Variants in RASL12 observed in about 807,000 individuals in gnomAD.
RASL12 encodes ras-like protein family member 12.
RASL12 carries 16 observed loss-of-function variants against 22.9 expected under a neutral mutation model. The ratio of observed to expected loss-of-function variants is 0.70; its 90% CI spans 0.47 to 1.06. RASL12 has a LOEUF of 1.06. Among genes scored for constraint, RASL12 ranks in the 50% least tolerant of loss-of-function variants. The pLI is 0.00. For synonymous variants in RASL12, 159 were observed against 152.2 expected, an observed-to-expected ratio of 1.04 and a Z score of -0.33; for missense variants, 306 against 353.1, an observed-to-expected ratio of 0.87 and a Z score of 1.07.
At position 65,073,237 on chromosome 15, in the gene RASL12, C is replaced by T. The variant is rs967628772; in HGVS notation, c.70+3292G>A. On this transcript the variant is annotated intron_variant, in intron 1 of 4. Transcript: ENST00000434605. ...GGAGATGGTTTCGGAATTATTCAAG[C>T]GTATTACATTTATTGTGCATTTTAT... 7.2e-5 allele frequency among the ~76,000 whole-genome samples: 11 copies of T among 152,226 alleles called. 1 individual carries two copies. The highest frequency in any genetic ancestry group is 3.9e-4 in the East Asian group (2 of 5,186).
intron 2 of RASL12, among the ~76,000 whole-genome samples, chr15:65,060,563 G>C (rs548025925): frequency 6.6e-6 from 1 of 152,342 alleles, no homozygotes; most frequent in African/African-American, 2.4e-5. Context: ...CAGGCATGCA[G>C]AGGACCTTGC....
upstream of RASL12, chr15:65,068,429 A>C: frequency 1.1e-5 from 4 of 360,032 alleles, no homozygotes; most frequent in Non-Finnish European, 1.5e-5. This position sits in a 1 kb window ranked among gnomAD's most constrained non-coding sequence, Gnocchi z 4.2. Context: ...CCCCAATCAC[A>C]TTATTCTGCC....
rs537590104 is a variant in RASL12 at position 65,075,221 on chromosome 15, G to C, written c.70+1308C>G. Among the ~76,000 whole-genome samples, 843 of 152,332 alleles carry C rather than the reference G, an allele frequency of 5.5e-3. 9 individuals carry two copies. Among genetic ancestry groups the C allele is most frequent in the African/African-American group, 0.019 (798 of 41,574 alleles). On this transcript the variant is annotated intron_variant, in intron 1 of 4. Coordinates refer to the RASL12 transcript ENST00000434605. ...CCCCCAGCAATGCCAGCCCACCGGCGCTGTGCTTGATTTCTCACCGGGCCT... is the reference window on the plus strand; with the variant it reads ...CCCCCAGCAATGCCAGCCCACCGGCCCTGTGCTTGATTTCTCACCGGGCCT...
At chr15:65,070,427 C>G (rs12592433), upstream of RASL12, among the ~76,000 whole-genome samples, 1 of 152,190 alleles carries the variant, frequency 6.6e-6, no homozygotes, top group African/African-American at 2.4e-5. Context: ...AAGTCATAAC[C>G]GTTTAGTGAC....
the RASL12 span, among the ~76,000 whole-genome samples, chr15:65,047,789 G>A: frequency 9.1e-6 from 1 of 109,908 alleles, no homozygotes; most frequent in African/African-American, 3.6e-5. Flanking sequence ...CAGATAGATC[G>A]ATAGATGATA....
chr15:65,054,196 C>T lies in RASL12; in HGVS notation c.*703G>A, dbSNP rs749074205. The T allele has an allele frequency of 1.0e-5, 10 of 985,950 alleles. No individual in the cohort carries two copies. The highest frequency in any genetic ancestry group is 9.6e-6 in the Non-Finnish European group (8 of 829,998). The allele number at this position is 985,950 out of a possible 1,614,324, so 61.1% of individuals were successfully genotyped here. On this transcript the variant is annotated 3_prime_UTR_variant, in exon 5 of 5. Transcript: ENST00000220062. ...CAGAGTCCTTAACAGTGGGAAAACA[C>T]ATGGAGAATCTGTCTGCTGGTGAAA...
intron 1 of RASL12, among the ~76,000 whole-genome samples, chr15:65,073,223 C>A (rs543221997): frequency 6.6e-6 from 1 of 152,162 alleles, no homozygotes; most frequent in Non-Finnish European, 1.5e-5. Context: ...GAGATGGTTT[C>A]GGAATTATTC....
At chr15:65,057,093 T>G (rs922623507) in intron 4 of RASL12, among the ~76,000 whole-genome samples, 6 of 152,208 alleles carry the variant, frequency 3.9e-5, no homozygotes, top group African/African-American at 1.4e-4. Flanking sequence ...GAGACACAAT[T>G]TGCCTAGGTC....
chr15:65,071,248 G>A (rs1284394051), upstream of RASL12, among the ~76,000 whole-genome samples: 3 of 152,198 alleles, frequency 2.0e-5, no homozygotes, highest in Non-Finnish European at 4.4e-5. Context: ...AAGGCTCAGA[G>A]TCTGAGGCAG....
In RASL12 at chr15:65,056,073, C is replaced by T. The variant is rs1426280010; in HGVS notation, c.426-799G>A. 3.3e-5 allele frequency among the ~76,000 whole-genome samples: 5 copies of T among 151,952 alleles called. No homozygotes were observed. The South Asian group carries it at 6.2e-4, about 19-fold the overall frequency. ...GACCTGAAAGCCATGGGAATCGAGG[C>T]GGGAAGAAAAAGAAGACTGGCCTTG... On this transcript the variant is annotated intron_variant, in intron 4 of 4. Transcript: ENST00000220062.
rs2086683879 is a variant in RASL12 at position 65,053,429 on chromosome 15, A to G, written c.*1470T>C. The G allele has an allele frequency of 2.4e-6, 3 of 1,258,296 alleles. No homozygotes were observed. 77.9% of individuals were successfully genotyped at this position (1,258,296 alleles called of 1,614,324 possible). A position where few individuals can be genotyped will look rare whatever the true frequency, so the allele number is the denominator to read the frequency against. On this transcript the variant is annotated 3_prime_UTR_variant, in exon 5 of 5. Transcript: ENST00000220062. ...GTTCAGATGGCAGTGGTACACACAC[A>G]CATACACACACAAGTGGCCTGGAGC...
chr15:65,069,332 C>T (rs1447653839), upstream of RASL12, among the ~76,000 whole-genome samples: 2 of 152,186 alleles, frequency 1.3e-5, no homozygotes, highest in Non-Finnish European at 2.9e-5. Context: ...CAGCTAATGG[C>T]CAAGGGTTTT....
chr15:65,058,702 C>T (rs1002910105), intron 3 of RASL12, 85 bp from the exon 4 acceptor site: 2 of 983,880 alleles, frequency 2.0e-6, no homozygotes, highest in South Asian at 2.3e-5. Flanking sequence ...CCCACCTCCC[C>T]ACTCCCCGGT....
intron 2 of RASL12, 21 bp downstream of exon 2, chr15:65,065,196 G>T (rs779049909): frequency 1.2e-6 from 2 of 1,609,864 alleles, no homozygotes; most frequent in African/African-American, 1.3e-5. Context: ...GCAGCAGAAG[G>T]TACGGGGAGT....
At chr15:65,048,922 A>G (rs1295323238), downstream of RASL12, among the ~76,000 whole-genome samples, 1 of 150,404 alleles carries the variant, frequency 6.6e-6, no homozygotes, top group Non-Finnish European at 1.5e-5. Flanking sequence ...AGACAGGAGA[A>G]TCGCTTGAAC....
chr15:65,075,465 C>G (rs2086960754), intron 1 of RASL12, among the ~76,000 whole-genome samples: 1 of 152,252 alleles, frequency 6.6e-6, no homozygotes, highest in Non-Finnish European at 1.5e-5. Flanking sequence ...GCAGGATCCA[C>G]TAGGTGAAGC....
Position 65,053,453 on chromosome 15 carries a change from G to C in RASL12, c.*1446C>G, listed in dbSNP as rs1360640777. 13 of 1,183,866 alleles carry C rather than the reference G, an allele frequency of 1.1e-5. No individual in the cohort carries two copies. Among genetic ancestry groups the C allele is most frequent in the Non-Finnish European group, 1.4e-5 (13 of 954,800 alleles). The allele number at this position is 1,183,866 out of a possible 1,614,324, so 73.3% of individuals were successfully genotyped here. Reference sequence around the variant, plus strand: ...CACATACACACACAAGTGGCCTGGAGCAAAAGTGCAAAATCCGTAGCTGGC... The same window carrying C: ...CACATACACACACAAGTGGCCTGGACCAAAAGTGCAAAATCCGTAGCTGGC... On this transcript the variant is annotated 3_prime_UTR_variant, in exon 5 of 5. Transcript: ENST00000220062.
At chr15:65,056,877 G>C (rs2086738735) in intron 4 of RASL12, among the ~76,000 whole-genome samples, 2 of 152,174 alleles carry the variant, frequency 1.3e-5, no homozygotes, top group Non-Finnish European at 1.5e-5. Context: ...AGCTTCATTT[G>C]AGCATGTATG....
intron 4 of RASL12, among the ~76,000 whole-genome samples, chr15:65,055,702 CT>C (rs2086723051): frequency 6.6e-6 from 1 of 152,156 alleles, no homozygotes; most frequent in Admixed American, 6.5e-5. Context: ...ACAGCTCTGG[CT>C]TGTGGGATCA....
Sources: allele counts gnomAD v4.1 joint callset (sites outside exome capture counted in the v4.1 genomes callset), GRCh38; gene constraint gnomAD v4.1.1; non-coding constraint Gnocchi (gnomAD v3.1); transcripts MANE v1.5; gene names NCBI Gene and HGNC (gene_info 2026-07-23, HGNC 2026-07-21).